CRIM1: variants seen among roughly 807,000 people sequenced by gnomAD.
CRIM1 encodes the protein cysteine-rich motor neuron 1 protein.
In CRIM1, 32 loss-of-function variants were observed where a neutral mutation model predicts 116.4. The ratio of observed to expected loss-of-function variants is 0.27; its 90% CI spans 0.21 to 0.37. The LOEUF (loss-of-function observed/expected upper bound fraction) is 0.37. CRIM1 is among the 10% of genes least tolerant of loss of function. The pLI is 1.00. For missense variants in CRIM1, 1,331 were observed against 1,354.8 expected, an observed-to-expected ratio of 0.98 and a Z score of 0.28; for synonymous variants, 590 against 509.2, an observed-to-expected ratio of 1.16 and a Z score of -2.13.
At chr2:36,472,401 CTT>C (rs1558341853) in intron 5 of CRIM1, among the ~76,000 whole-genome samples, 1 of 152,132 alleles carries the variant, frequency 6.6e-6, no homozygotes, top group Non-Finnish European at 1.5e-5. Flanking sequence ...TGTTGTGTGA[CTT>C]TTTTCACCCT....
chr2:36,388,587 C>T (rs748222721), intron 1 of CRIM1, among the ~76,000 whole-genome samples: 31 of 152,062 alleles, frequency 2.0e-4, no homozygotes, highest in Non-Finnish European at 3.2e-4. Context: ...GGGGTCCTGC[C>T]GTGAATGAGT....
At chr2:36,405,837 CAAGT>C (rs1231615547) in intron 2 of CRIM1, among the ~76,000 whole-genome samples, 1 of 152,070 alleles carries the variant, frequency 6.6e-6, no homozygotes, top group Non-Finnish European at 1.5e-5. Flanking sequence ...ATTTTTTTCT[CAAGT>C]AAATGTTAAA....
intron 4 of CRIM1, among the ~76,000 whole-genome samples, chr2:36,459,334 A>G (rs1677404012): frequency 6.6e-6 from 1 of 152,202 alleles, no homozygotes; most frequent in African/African-American, 2.4e-5. Context: ...TAATTTTGAA[A>G]AGCACTGTAC....
intron 14 of CRIM1, among the ~76,000 whole-genome samples, chr2:36,538,921 A>G (rs1003501436): frequency 5.9e-5 from 9 of 152,272 alleles, no homozygotes; most frequent in African/African-American, 1.7e-4. Flanking sequence ...AATGATATAA[A>G]TGATGAAACT....
chr2:36,544,161 C>A (rs1282703542), intron 14 of CRIM1, among the ~76,000 whole-genome samples: 2 of 152,170 alleles, frequency 1.3e-5, no homozygotes, highest in Non-Finnish European at 2.9e-5. Flanking sequence ...GTAGAGAATT[C>A]TTTCATCTTT....
intron 2 of CRIM1, among the ~76,000 whole-genome samples, chr2:36,402,884 G>C (rs1277622555): frequency 6.6e-6 from 1 of 151,990 alleles, no homozygotes; most frequent in South Asian, 2.1e-4. Flanking sequence ...GGAGTTTTGG[G>C]CAAATTAAAT....
At position 36,500,845 on chromosome 2, in the gene CRIM1, G is replaced by A. The variant is rs186170937; in HGVS notation, c.1501+1498G>A. On this transcript the variant is annotated intron_variant, in intron 8 of 16. Coordinates refer to ENST00000280527, the MANE Select transcript of CRIM1 (RefSeq NM_016441.3). ...CACAAGAAATCTTGAAAGACACTTC[G>A]CCCGTATCTTGTCTGAAGTCAAAAT... Among the ~76,000 whole-genome samples, 378 of 152,188 alleles carry A rather than the reference G, an allele frequency of 2.5e-3. 1 individual carries two copies. The highest frequency in any genetic ancestry group is 7.4e-3 in the African/African-American group (308 of 41,512).
At chr2:36,536,745 C>G (rs1666579927) in intron 13 of CRIM1, among the ~76,000 whole-genome samples, 2 of 152,144 alleles carry the variant, frequency 1.3e-5, no homozygotes, top group Non-Finnish European at 2.9e-5. Flanking sequence ...AAACTGAAAT[C>G]CCTGTATATA....
At chr2:36,547,230 A>C (rs1667418599) in intron 16 of CRIM1, 59 bp downstream of exon 16, 1 of 1,388,262 alleles carries the variant, frequency 7.2e-7, no homozygotes, top group Non-Finnish European at 1.0e-6. Context: ...TTACACTCAT[A>C]TTGAAATTGC....
intron 2 of CRIM1, among the ~76,000 whole-genome samples, chr2:36,434,390 C>T (rs1229821033): frequency 1.3e-5 from 2 of 152,158 alleles, no homozygotes; most frequent in Non-Finnish European, 2.9e-5. Flanking sequence ...ATACAGATAC[C>T]AGCAACGCCG....
chr2:36,395,027 T>C (rs1239055133), intron 1 of CRIM1, among the ~76,000 whole-genome samples: 2 of 150,958 alleles, frequency 1.3e-5, no homozygotes, highest in African/African-American at 2.4e-5. Flanking sequence ...TTTTTTTTTT[T>C]TTTTTGAGGC....
At chr2:36,534,863 A>G (rs965065045) in intron 13 of CRIM1, among the ~76,000 whole-genome samples, 1 of 152,120 alleles carries the variant, frequency 6.6e-6, no homozygotes, top group African/African-American at 2.4e-5. Context: ...GTACGGTAAC[A>G]CTGTTACTCA....
chr2:36,533,575 C>T (rs1055300520), intron 13 of CRIM1, among the ~76,000 whole-genome samples: 2 of 152,166 alleles, frequency 1.3e-5, no homozygotes, highest in African/African-American at 4.8e-5. Context: ...GCCTGGGCAA[C>T]AGAGTGAGAC....
rs573953269 is a variant in CRIM1 at position 36,427,611 on chromosome 2, A to G, written c.506-13647A>G. ...CTAGTCTTACCAGTGGCTCTGGTGG[A>G]AGAGCTTCTACTTTCCTCTGGCTGG... On this transcript the variant is annotated intron_variant, in intron 2 of 16. Coordinates refer to ENST00000280527, the MANE Select transcript of CRIM1 (RefSeq NM_016441.3). Among the ~76,000 whole-genome samples, 7 of 152,332 alleles carry G rather than the reference A, an allele frequency of 4.6e-5. No homozygotes were observed. In the South Asian group the frequency reaches 1.5e-3, roughly 32 times the overall value.
chr2:36,455,202 A>AG lies in CRIM1; in HGVS notation c.870-9327dup, dbSNP rs543219817. The stretch of plus-strand genomic sequence containing the variant: ...CTGCAGGACTGAGTCACCGAAGTAG[A>AG]GGGGGCAACAAGGGTCACTGGATTC... On this transcript the variant is annotated intron_variant, in intron 4 of 16. Coordinates refer to ENST00000280527, the MANE Select transcript of CRIM1 (RefSeq NM_016441.3). Among the ~76,000 whole-genome samples the AG allele has an allele frequency of 2.6e-5, 4 of 152,226 alleles. No homozygotes were observed. In the East Asian group the frequency reaches 5.8e-4, roughly 22 times the overall value.
chr2:36,547,624 GA>G (rs1403901987), intron 16 of CRIM1, among the ~76,000 whole-genome samples: 1 of 152,112 alleles, frequency 6.6e-6, no homozygotes, highest in African/African-American at 2.4e-5. Flanking sequence ...AAGGCAAAAG[GA>G]ACAGGTCAGT....
At chr2:36,371,418 T>C (rs1005018377) in intron 1 of CRIM1, among the ~76,000 whole-genome samples, 11 of 152,204 alleles carry the variant, frequency 7.2e-5, no homozygotes, top group African/African-American at 2.4e-4. Flanking sequence ...CAGGAAGAAC[T>C]CAATGAGCAT....
chr2:36,511,091 G>A (rs748861357), intron 9 of CRIM1, among the ~76,000 whole-genome samples: 9 of 151,862 alleles, frequency 5.9e-5, no homozygotes, highest in African/African-American at 7.3e-5. Flanking sequence ...AGAGGCATGC[G>A]CCACCATGCC....
At chr2:36,505,779 A>T (rs1237310782) in intron 8 of CRIM1, among the ~76,000 whole-genome samples, 1 of 151,560 alleles carries the variant, frequency 6.6e-6, no homozygotes, top group African/African-American at 2.4e-5. Flanking sequence ...TTTTTAATGA[A>T]TCAGTGAGTG....
Sources: allele counts gnomAD v4.1 joint callset (sites outside exome capture counted in the v4.1 genomes callset), GRCh38; gene constraint gnomAD v4.1.1; transcripts MANE v1.5; gene names NCBI Gene and HGNC (gene_info 2026-07-23, HGNC 2026-07-21).